The following SOX6 variants were observed in gnomAD, a reference collection of about 807,000 sequenced individuals.
SOX6 encodes SRY-box transcription factor 6.
SOX6 carries 11 observed loss-of-function variants against 97.8 expected under a neutral mutation model. The ratio of observed to expected loss-of-function variants is 0.11; its 90% CI spans 0.07 to 0.19. The LOEUF is 0.19. Among genes scored for constraint, SOX6 ranks in the 10% least tolerant of loss-of-function variants. The probability of loss-of-function intolerance (pLI) is 1.00; values close to 1 mark genes in which losing one functional copy is unlikely to be tolerated. For missense variants in SOX6, 810 were observed against 1,039.5 expected (o/e 0.78, Z 3.04); for synonymous variants, 360 against 371.4 (o/e 0.97, Z 0.35).
At chr11:16,073,963 G>A (rs1240291157) in intron 9 of SOX6, among the ~76,000 whole-genome samples, 1 of 152,136 alleles carries the variant, frequency 6.6e-6, no homozygotes, top group Non-Finnish European at 1.5e-5. Flanking sequence ...AGAGTTTATA[G>A]TGCTAAATGC....
intron 6 of SOX6, among the ~76,000 whole-genome samples, chr11:16,120,489 C>A (rs1263213895): frequency 6.6e-6 from 1 of 150,954 alleles, no homozygotes; most frequent in Non-Finnish European, 1.5e-5. Context: ...TAAAAGCATC[C>A]CTTTACAAAC....
At chr11:16,086,757 A>T (rs1037967969) in intron 9 of SOX6, among the ~76,000 whole-genome samples, 2 of 152,144 alleles carry the variant, frequency 1.3e-5, no homozygotes, top group African/African-American at 4.8e-5. Context: ...ATAAGATAAG[A>T]CAGTTTTTAT....
At chr11:15,991,847 A>C (rs1854062053) in intron 13 of SOX6, among the ~76,000 whole-genome samples, 1 of 152,174 alleles carries the variant, frequency 6.6e-6, no homozygotes, top group Non-Finnish European at 1.5e-5. Flanking sequence ...TATGCCATAC[A>C]TATGCCCAAT....
intron 4 of SOX6, among the ~76,000 whole-genome samples, chr11:16,510,747 T>C (rs1253710639): frequency 6.6e-6 from 1 of 152,122 alleles, no homozygotes; most frequent in Non-Finnish European, 1.5e-5. Context: ...ATTGTCATAA[T>C]TGTTGTTATA....
intron 3 of SOX6, among the ~76,000 whole-genome samples, chr11:16,666,072 T>TC (rs1463107081): frequency 6.6e-6 from 1 of 152,032 alleles, no homozygotes; most frequent in African/African-American, 2.4e-5. Context: ...CTGCAAATCC[T>TC]CCCCACAATG....
At chr11:16,227,536 G>C (rs1334205971) in intron 4 of SOX6, among the ~76,000 whole-genome samples, 1 of 151,610 alleles carries the variant, frequency 6.6e-6, no homozygotes, top group Non-Finnish European at 1.5e-5. Flanking sequence ...CGATCTTCCT[G>C]CCTTGACCTT....
At chr11:16,517,128 A>G (rs1157724448) in intron 4 of SOX6, among the ~76,000 whole-genome samples, 1 of 151,374 alleles carries the variant, frequency 6.6e-6, no homozygotes, top group African/African-American at 2.4e-5. Flanking sequence ...AAATTCAACA[A>G]CCCTTCATGC....
chr11:16,469,346 G>C (rs1860100719), intron 1 of SOX6, among the ~76,000 whole-genome samples: 1 of 151,788 alleles, frequency 6.6e-6, no homozygotes, highest in Admixed American at 6.6e-5. Flanking sequence ...AAAACAATTA[G>C]GTTAAAAACT....
intron 3 of SOX6, among the ~76,000 whole-genome samples, chr11:16,252,735 A>G (rs948921257): frequency 6.6e-6 from 1 of 152,170 alleles, no homozygotes; most frequent in African/African-American, 2.4e-5. Context: ...TACCTAGGGT[A>G]AGGGAAATAC....
At chr11:16,022,691 G>T (rs905303101) in intron 12 of SOX6, among the ~76,000 whole-genome samples, 1 of 152,156 alleles carries the variant, frequency 6.6e-6, no homozygotes, top group Non-Finnish European at 1.5e-5. Flanking sequence ...GGGATTACAG[G>T]CATGAGCCAC....
intron 3 of SOX6, among the ~76,000 whole-genome samples, chr11:16,240,710 C>T (rs1035272829): frequency 3.9e-5 from 6 of 151,916 alleles, no homozygotes; most frequent in African/African-American, 9.7e-5. Flanking sequence ...AAACATACAG[C>T]GGATGATTCA....
chr11:16,253,742 A>G (rs1266892601), intron 3 of SOX6, among the ~76,000 whole-genome samples: 1 of 152,098 alleles, frequency 6.6e-6, no homozygotes, highest in Non-Finnish European at 1.5e-5. Context: ...ATGGTATATC[A>G]TATGTATAAT....
At chr11:16,012,854 C>T (rs1013196868) in intron 13 of SOX6, among the ~76,000 whole-genome samples, 5 of 151,814 alleles carry the variant, frequency 3.3e-5, no homozygotes, top group Non-Finnish European at 7.4e-5. Context: ...GGGTAAAAGG[C>T]GTAAGACATC....
intron 2 of SOX6, among the ~76,000 whole-genome samples, chr11:16,335,024 T>C (rs988136629): frequency 2.6e-5 from 4 of 152,168 alleles, no homozygotes; most frequent in African/African-American, 9.6e-5. Flanking sequence ...ACATTTGCTG[T>C]CTATTTCACT....
chr11:16,150,863 T>C (rs528100315), intron 6 of SOX6, among the ~76,000 whole-genome samples: 72 of 152,190 alleles, frequency 4.7e-4, no homozygotes, highest in Non-Finnish European at 9.1e-4. Flanking sequence ...TATAACTAAT[T>C]AAATTGATCC....
chr11:16,201,707 C>T (rs1481567633), intron 4 of SOX6, among the ~76,000 whole-genome samples: 2 of 128,092 alleles, frequency 1.6e-5, no homozygotes, highest in Non-Finnish European at 3.1e-5. Flanking sequence ...GATCTCGGCT[C>T]ACTGCAAGCT....
chr11:16,553,854 C>T (rs1199719112), intron 4 of SOX6, among the ~76,000 whole-genome samples: 1 of 152,120 alleles, frequency 6.6e-6, no homozygotes, highest in African/African-American at 2.4e-5. Flanking sequence ...AATTCCAACA[C>T]CATTTCATCA....
At chr11:16,406,404 T>C (rs1315717278) in intron 1 of SOX6, among the ~76,000 whole-genome samples, 3 of 152,118 alleles carry the variant, frequency 2.0e-5, no homozygotes, top group Non-Finnish European at 2.9e-5. Flanking sequence ...CAGCTGGACA[T>C]TTCTCTGGTT....
chr11:16,220,226 G>A (rs554739556), intron 4 of SOX6, among the ~76,000 whole-genome samples: 14 of 151,922 alleles, frequency 9.2e-5, no homozygotes, highest in African/African-American at 3.4e-4. Flanking sequence ...CATTTTAACA[G>A]GAAGCCCTCT....
Sources: gnomAD v4.1 joint callset for allele counts (sites outside exome capture counted in the v4.1 genomes callset) on GRCh38, gnomAD v4.1.1 for gene constraint, MANE v1.5 for transcripts, NCBI Gene and HGNC (gene_info 2026-07-23, HGNC 2026-07-21) for gene names.